CNTN4: variants seen among roughly 807,000 people sequenced by gnomAD.
CNTN4 encodes the protein contactin-4.
A neutral mutation model predicts 122.5 loss-of-function variants in CNTN4; 77 were observed. The observed-to-expected ratio is 0.63, with a 90% CI of 0.52 to 0.76. The LOEUF is 0.76. Ranked by LOEUF, CNTN4 falls within the 30% of genes least tolerant of loss-of-function variation. The pLI, the probability that CNTN4 is intolerant of heterozygous loss-of-function variation, is 0.00. For missense variants in CNTN4, 1,256 were observed against 1,259.1 expected (o/e 1.00, Z 0.04); for synonymous variants, 512 against 447.0 (o/e 1.15, Z -1.83).
At chr3:2,462,186 A>G (rs1175544641) in intron 3 of CNTN4, among the ~76,000 whole-genome samples, 1 of 152,212 alleles carries the variant, frequency 6.6e-6, no homozygotes, top group Non-Finnish European at 1.5e-5. Flanking sequence ...GGCATCCAGC[A>G]AAAGATTTCC....
chr3:2,733,532 G>GTTTTTT lies in CNTN4; in HGVS notation c.56-2669_56-2664dup, dbSNP rs1201306391. Among the ~76,000 whole-genome samples, 774 of 120,460 alleles carry GTTTTTT rather than the reference G, an allele frequency of 6.4e-3. 19 individuals carry two copies. The highest frequency in any genetic ancestry group is 0.025 in the African/African-American group (732 of 28,980). The allele number at this position is 120,460 out of a possible 152,430, so 79.0% of individuals were successfully genotyped here. The stretch of plus-strand genomic sequence containing the variant: ...TTTTTTTTTTAAAGTGCATGTTTGT[G>GTTTTTT]TTTTTTTTTTTTTTTTTTTGAGACA... On this transcript the variant is annotated intron_variant, in intron 4 of 24. Transcript: ENST00000418658.
rs528198090 is a variant in CNTN4, at chr3:2,194,161, A to G, written c.-145+93522A>G. Among the ~76,000 whole-genome samples, 3 of 152,236 alleles carry G rather than the reference A, an allele frequency of 2.0e-5. No individual in the cohort carries two copies. In the East Asian group the frequency reaches 5.8e-4, roughly 29 times the overall value. ...ATGTTCAGGGAAAATAATTATATGT[A>G]TAATTATAGAAAGTGAATGGGGCCA... On this transcript the variant is annotated intron_variant, in intron 2 of 24. Transcript: ENST00000418658.
chr3:2,847,731 A>C (rs751126905), intron 7 of CNTN4, among the ~76,000 whole-genome samples: 8 of 152,106 alleles, frequency 5.3e-5, no homozygotes, highest in Non-Finnish European at 1.0e-4. Flanking sequence ...TTATTGGGAA[A>C]CACTTTCCCT....
intron 3 of CNTN4, among the ~76,000 whole-genome samples, chr3:2,389,970 G>C (rs999206280): frequency 6.6e-6 from 1 of 152,128 alleles, no homozygotes; most frequent in African/African-American, 2.4e-5. Flanking sequence ...AGATTAAAGG[G>C]ACATGTCAAG....
At chr3:2,428,488 C>G (rs1310244448) in intron 3 of CNTN4, among the ~76,000 whole-genome samples, 1 of 152,186 alleles carries the variant, frequency 6.6e-6, no homozygotes, top group African/African-American at 2.4e-5. Context: ...CAACCTTTCT[C>G]TCTGGCTGCC....
rs796991128 is a variant in CNTN4, at chr3:2,238,960, C to G, written c.-144-100218C>G. The stretch of plus-strand genomic sequence containing the variant: ...CAGGATGGTCTCGATCTCCTGACCT[C>G]GTGATCCGCCCGCCTCGGCCTCCCA... On this transcript the variant is annotated intron_variant, in intron 2 of 24. Transcript: ENST00000418658. 8.2e-5 allele frequency: 12 copies of G among 146,842 alleles called. No homozygotes were observed. The South Asian group carries it at 1.6e-3, about 20-fold the overall frequency. 9.1% of individuals were successfully genotyped at this position (146,842 alleles called of 1,614,324 possible). A position where few individuals can be genotyped will look rare whatever the true frequency, so the allele number is the denominator to read the frequency against.
At chr3:2,263,874 G>A (rs1259196814) in intron 2 of CNTN4, among the ~76,000 whole-genome samples, 1 of 124,932 alleles carries the variant, frequency 8.0e-6, no homozygotes, top group Non-Finnish European at 1.9e-5. Flanking sequence ...GTGAAAATAT[G>A]TGTTGTCTTT....
intron 3 of CNTN4, among the ~76,000 whole-genome samples, chr3:2,487,467 C>T (rs2151635314): frequency 6.6e-6 from 1 of 152,310 alleles, no homozygotes; most frequent in Non-Finnish European, 1.5e-5. Flanking sequence ...CACCCCACAA[C>T]AATTATTTGT....
At chr3:2,457,639 A>G (rs1312928207) in intron 3 of CNTN4, among the ~76,000 whole-genome samples, 1 of 152,154 alleles carries the variant, frequency 6.6e-6, no homozygotes, top group Non-Finnish European at 1.5e-5. Flanking sequence ...CAGGTGTATA[A>G]CAAACCAGGG....
At chr3:2,521,343 T>TCGGCCCCCCCCCCCCCC (rs781282977) in intron 3 of CNTN4, among the ~76,000 whole-genome samples, 14 of 128,304 alleles carry the variant, frequency 1.1e-4, no homozygotes, top group Non-Finnish European at 1.3e-4. Context: ...CCTCTACCCA[T>TCGGCCCCCCCCCCCCCC]CCCCCCCACC....
At chr3:2,188,661 C>G (rs2037385062) in intron 2 of CNTN4, among the ~76,000 whole-genome samples, 1 of 152,156 alleles carries the variant, frequency 6.6e-6, no homozygotes, top group Non-Finnish European at 1.5e-5. Flanking sequence ...AATCTGGCCT[C>G]TCAGGTACCT....
In CNTN4 at chr3:2,287,696, A is replaced by AGAG. The variant is rs1559415818; in HGVS notation, c.-144-51480_-144-51479insGGA. Among the ~76,000 whole-genome samples the AGAG allele has an allele frequency of 4.0e-4, 27 of 68,308 alleles. 1 individual carries two copies. The highest frequency in any genetic ancestry group is 8.9e-4 in the East Asian group (2 of 2,238). The allele number at this position is 68,308 out of a possible 152,430, so 44.8% of individuals were successfully genotyped here. Reference sequence around the variant, plus strand: ...AAGAAGAAGAAGAAGAAGAAGAGGAAGAAGAAGAAGAAGAGGAAGAAGAAG... The same window carrying AGAG: ...AAGAAGAAGAAGAAGAAGAAGAGGAAGAGGAAGAAGAAGAAGAGGAAGAAGAAG... On this transcript the variant is annotated intron_variant, in intron 2 of 24. Coordinates refer to ENST00000418658, the MANE Select transcript of CNTN4 (RefSeq NM_175607.3).
chr3:2,383,321 G>A (rs184482108), intron 3 of CNTN4, among the ~76,000 whole-genome samples: 1 of 152,108 alleles, frequency 6.6e-6, no homozygotes, highest in Non-Finnish European at 1.5e-5. Flanking sequence ...ACAGTAATGA[G>A]TAACCATTTA....
At position 3,000,167 on chromosome 3, in the gene CNTN4, CAATATA is replaced by C. The variant is rs371549407; in HGVS notation, c.1486+11696_1486+11701del. Among the ~76,000 whole-genome samples, 219 of 151,250 alleles carry C rather than the reference CAATATA, an allele frequency of 1.4e-3. 2 individuals are homozygous for C. The highest frequency in any genetic ancestry group is 5.0e-3 in the African/African-American group (204 of 41,114). ...GACTATAACATCATTTATGAGTCTA[CAATATA>C]TATACTCTTTAAAAAAAAAATTAAA... On this transcript the variant is annotated intron_variant, in intron 14 of 24. Coordinates refer to ENST00000418658, the MANE Select transcript of CNTN4 (RefSeq NM_175607.3).
intron 16 of CNTN4, among the ~76,000 whole-genome samples, chr3:3,033,556 G>A (rs184573829): frequency 6.6e-6 from 1 of 152,270 alleles, no homozygotes; most frequent in East Asian, 1.9e-4. Context: ...TATTTGGGTA[G>A]TACATTTGAT....
intron 2 of CNTN4, among the ~76,000 whole-genome samples, chr3:2,223,348 A>T (rs978257076): frequency 3.3e-5 from 5 of 152,076 alleles, no homozygotes; most frequent in African/African-American, 9.7e-5. Context: ...GCATCCCTCC[A>T]TATATCCTTC....
intron 3 of CNTN4, among the ~76,000 whole-genome samples, chr3:2,543,916 T>C (rs1430843274): frequency 4.6e-5 from 7 of 152,152 alleles, no homozygotes; most frequent in African/African-American, 1.7e-4. Flanking sequence ...AATCAAGAGC[T>C]ATCTTGGTAT....
chr3:2,384,670 C>G (rs1272660062), intron 3 of CNTN4, among the ~76,000 whole-genome samples: 2 of 152,066 alleles, frequency 1.3e-5, no homozygotes, highest in Non-Finnish European at 2.9e-5. Flanking sequence ...ATAGGACTCT[C>G]ACATCTCCCA....
chr3:2,852,986 C>T (rs1426013619), intron 7 of CNTN4, among the ~76,000 whole-genome samples: 1 of 152,086 alleles, frequency 6.6e-6, no homozygotes, highest in African/African-American at 2.4e-5. Flanking sequence ...AGTTTTTACG[C>T]AGAACTATTT....
Sources: gnomAD v4.1 joint callset for allele counts (sites outside exome capture counted in the v4.1 genomes callset) on GRCh38, gnomAD v4.1.1 for gene constraint, MANE v1.5 for transcripts, NCBI Gene and HGNC (gene_info 2026-07-23, HGNC 2026-07-21) for gene names.